WDR91: variants seen among roughly 807,000 people sequenced by gnomAD.
WDR91 encodes WD repeat-containing protein 91.
A neutral mutation model predicts 88.4 loss-of-function variants in WDR91; 52 were observed. The ratio of observed to expected loss-of-function variants is 0.59; its 90% CI spans 0.47 to 0.74. WDR91 has a LOEUF of 0.74. Among genes scored for constraint, WDR91 ranks in the 30% least tolerant of loss-of-function variants. The probability of loss-of-function intolerance (pLI) is 0.00; values close to 1 mark genes in which losing one functional copy is unlikely to be tolerated. For synonymous variants in WDR91, 362 were observed against 389.5 expected (o/e 0.93, Z 0.83); for missense variants, 824 against 954.5 (o/e 0.86, Z 1.80).
chr7:135,197,036 G>C (rs1260068849), intron 7 of WDR91: 1 of 152,300 alleles, frequency 6.6e-6, no homozygotes, highest in Non-Finnish European at 1.5e-5. Flanking sequence ...CTACCATCTG[G>C]TGCTCACCTA....
intron 6 of WDR91, among the ~76,000 whole-genome samples, chr7:135,202,758 A>G (rs1197017809): frequency 6.6e-6 from 1 of 152,236 alleles, no homozygotes; most frequent in Non-Finnish European, 1.5e-5. Flanking sequence ...TGAGAGATCC[A>G]GAAAGCAAGC....
At position 135,196,717 on chromosome 7, in the gene WDR91, TCAAA is replaced by T. The variant is rs1253582288; in HGVS notation, c.1051-384_1051-381del. On this transcript the variant is annotated intron_variant, in intron 7 of 14. Coordinates refer to ENST00000354475, the MANE Select transcript of WDR91 (RefSeq NM_014149.4). The surrounding 1 kb of genome is among the most constrained non-coding windows in gnomAD (Gnocchi z 4.2). ...ACAGATTTCTCTCATTTAGTCCTCC[TCAAA>T]CAATGAGATGCTATTATCTTCCCCA... Among the ~76,000 whole-genome samples, 1 of 152,192 alleles carries T rather than the reference TCAAA, an allele frequency of 6.6e-6. No individual in the cohort carries two copies. Among genetic ancestry groups the T allele is most frequent in the Admixed American group, 6.5e-5 (1 of 15,284 alleles).
intron 11 of WDR91, among the ~76,000 whole-genome samples, chr7:135,190,688 G>C (rs902459948): frequency 6.6e-6 from 1 of 152,026 alleles, no homozygotes; most frequent in African/African-American, 2.4e-5. Flanking sequence ...AAAAAATGAA[G>C]GTGAGCTTCT....
Position 135,208,882 on chromosome 7 carries a change from G to A in WDR91, c.420C>T (p.Asn140=), listed in dbSNP as rs1831907911. 2 of 1,614,208 alleles carry A rather than the reference G, an allele frequency of 1.2e-6. No homozygotes were observed. The highest frequency in any genetic ancestry group is 1.7e-6 in the Non-Finnish European group (2 of 1,180,034). Residue 140 remains asparagine (N), a synonymous_variant, in exon 3 of 15, where the codon AAC becomes AAT. Coordinates refer to ENST00000354475, the MANE Select transcript of WDR91 (RefSeq NM_014149.4). ...GAGAAAAGTAGGTAGCAAAGGTGGG[G>A]TTGGTGTCCGGGGATGGCAGGAAGG... ...VLPFLPSPDT[N]PTFATYFSRQ...
At chr7:135,203,896 G>A (rs149464651) in intron 6 of WDR91, among the ~76,000 whole-genome samples, 27 of 152,306 alleles carry the variant, frequency 1.8e-4, no homozygotes, top group African/African-American at 5.8e-4. Context: ...TGGGTGTGAG[G>A]TCTGGCACTG....
At chr7:135,210,575 G>A (rs565346416) in intron 1 of WDR91, among the ~76,000 whole-genome samples, 39 of 152,314 alleles carry the variant, frequency 2.6e-4, no homozygotes, top group South Asian at 8.3e-4. Context: ...CTTGTGAGGA[G>A]CAATTACAGC....
chr7:135,208,855 T>A lies in WDR91; in HGVS notation c.447A>T (p.Arg149=), dbSNP rs751063113. 1.9e-6 allele frequency: 3 copies of A among 1,614,126 alleles called. No homozygotes were observed. Among genetic ancestry groups the A allele is most frequent in the Non-Finnish European group, 2.5e-6 (3 of 1,179,986 alleles). The part of the protein sequence containing the change: ...TNPTFATYFS[R]QWADTFIVSL... ...ACACAATGAAGGTGTCAGCCCACTG[T>A]CGAGAAAAGTAGGTAGCAAAGGTGG... Residue 149 remains arginine, a synonymous_variant, in exon 3 of 15, where the codon CGA becomes CGT. Transcript: ENST00000354475.
chr7:135,201,890 T>A (rs1831583953), intron 6 of WDR91, among the ~76,000 whole-genome samples: 1 of 152,194 alleles, frequency 6.6e-6, no homozygotes, highest in African/African-American at 2.4e-5. Flanking sequence ...AATTTAGGTG[T>A]TAATTGTAAT....
chr7:135,195,238 A>G (rs957055412), intron 8 of WDR91, among the ~76,000 whole-genome samples, 154 bp from the exon 9 acceptor site: 5 of 152,266 alleles, frequency 3.3e-5, no homozygotes, highest in African/African-American at 1.2e-4. Context: ...GACTATTTCT[A>G]GAAATATTCA....
chr7:135,185,842 A>G lies in WDR91; in HGVS notation c.*309T>C. 3.1e-6 allele frequency: 1 copy of G among 326,622 alleles called. No individual in the cohort carries two copies. The highest frequency in any genetic ancestry group is 5.5e-5 in the East Asian group (1 of 18,046). 20.2% of individuals were successfully genotyped at this position (326,622 alleles called of 1,614,324 possible). A position where few individuals can be genotyped will look rare whatever the true frequency, so the allele number is the denominator to read the frequency against. ...GGGCACATATATACAAAATACTGTCAATTTCTACTGGGCCAACACAGTAGC... is the reference window on the plus strand; with the variant it reads ...GGGCACATATATACAAAATACTGTCGATTTCTACTGGGCCAACACAGTAGC... On this transcript the variant is annotated 3_prime_UTR_variant, in exon 15 of 15. Transcript: ENST00000354475.
chr7:135,195,032 T>C lies in WDR91; in HGVS notation c.1297A>G (p.Lys433Glu). The C allele has an allele frequency of 6.2e-7, 1 of 1,614,140 alleles. No homozygotes were observed. The highest frequency in any genetic ancestry group is 1.3e-5 in the African/African-American group (1 of 75,060). The change falls in exon 9 of 15, where the codon AAA becomes GAA. Residue 433 changes from lysine (K) to glutamate (E), a missense_variant. Lys to Glu is a moderately conservative substitution (Grantham distance 56, BLOSUM62 1). Transcript: ENST00000354475. ...VASLDVDGVI[K>E]VWSFNPIMQT... ...ATGATGGGGTTGAAGGACCACACTTTGATGACCCCATCTACGTCTAAGCTG... is the reference window on the plus strand; with the variant it reads ...ATGATGGGGTTGAAGGACCACACTTCGATGACCCCATCTACGTCTAAGCTG...
intron 6 of WDR91, chr7:135,198,901 CA>C (rs1562952440): frequency 6.6e-6 from 1 of 152,172 alleles, no homozygotes; most frequent in African/African-American, 2.4e-5. Context: ...AAGGAGCTGC[CA>C]CCCCCACATC....
Position 135,193,286 on chromosome 7 carries a change from A to G in WDR91, c.1604T>C (p.Met535Thr), listed in dbSNP as rs777731930. 3.7e-6 allele frequency: 6 copies of G among 1,614,078 alleles called. No individual in the cohort carries two copies. The highest frequency in any genetic ancestry group is 5.1e-6 in the Non-Finnish European group (6 of 1,180,044). ...CAGCAGCCTGCCAGGAACCTGGTTCATGCCCTTGCTGCCGATGTCTGGTGC... is the reference window on the plus strand; with the variant it reads ...CAGCAGCCTGCCAGGAACCTGGTTCGTGCCCTTGCTGCCGATGTCTGGTGC... The part of the protein sequence containing the change: ...FSAPDIGSKG[M>T]NQVPGRLLLW... Residue 535 changes from methionine (M) to threonine (T), a missense_variant, in exon 11 of 15, where the codon ATG becomes ACG. Transcript: ENST00000354475.
At position 135,198,095 on chromosome 7, in the gene WDR91, G is replaced by A. The variant is rs1417563608; in HGVS notation, c.948C>T (p.Ser316=). The A allele has an allele frequency of 8.1e-6, 13 of 1,613,786 alleles. No individual in the cohort carries two copies. Among genetic ancestry groups the A allele is most frequent in the African/African-American group, 2.7e-5 (2 of 74,934 alleles). ...SGAKDGKSLL[S]GLATGESGWS... ...AACCGGACTCCCCAGTGGCCAGCCC[G>A]CTGAGGAGGCTCTTCCCATCCTTGG... Residue 316 remains serine, a synonymous_variant, in exon 7 of 15, where the codon AGC becomes AGT. Transcript: ENST00000354475.
intron 4 of WDR91, among the ~76,000 whole-genome samples, chr7:135,206,286 T>A (rs1182990736): frequency 2.0e-5 from 3 of 152,236 alleles, no homozygotes; most frequent in Non-Finnish European, 4.4e-5. Flanking sequence ...AAACCCATTT[T>A]CTTTTTAATC....
intron 6 of WDR91, among the ~76,000 whole-genome samples, chr7:135,202,530 T>G (rs1831611100): frequency 6.6e-6 from 1 of 152,250 alleles, no homozygotes. Flanking sequence ...TCCCCATTGC[T>G]TAGCTGTAAA....
rs549917514 is a variant in WDR91, at chr7:135,195,048, G to A, written c.1281C>T (p.Asp427=). ...ACCACACTTTGATGACCCCATCTAC[G>A]TCTAAGCTGGCGACTCTCCTCCCAG... The part of the protein sequence containing the change: ...DCSGRRVASL[D]VDGVIKVWSF... The change falls in exon 9 of 15, where the codon GAC becomes GAT. Residue 427 remains aspartate (D), a synonymous_variant. Transcript: ENST00000354475. 6.2e-5 allele frequency: 100 copies of A among 1,613,954 alleles called. 1 individual carries two copies. The South Asian group carries it at 6.8e-4, about 11-fold the overall frequency.
chr7:135,189,375 T>C lies in WDR91; in HGVS notation c.1737A>G (p.Thr579=). ...GCCGGATGACGCCATCAGCTGCCCC[T>C]GTGACCAGCAGGTTCCCGTTGTGAT... ...AFNHNGNLLV[T]GAADGVIRLF... is the part of the protein sequence containing the mutation. Residue 579 remains threonine (T), a synonymous_variant, in exon 12 of 15, where the codon ACA becomes ACG. Coordinates refer to ENST00000354475, the MANE Select transcript of WDR91 (RefSeq NM_014149.4). 6.2e-7 allele frequency: 1 copy of C among 1,613,946 alleles called. No homozygotes were observed. Among genetic ancestry groups the C allele is most frequent in the Non-Finnish European group, 8.5e-7 (1 of 1,179,850 alleles).
At chr7:135,207,011 A>T in intron 4 of WDR91, 109 bp downstream of exon 4, 1 of 690,584 alleles carries the variant, frequency 1.4e-6, no homozygotes, top group South Asian at 1.7e-5. Flanking sequence ...CTGAGAAATT[A>T]GGTAGTGGCA....
Sources: gnomAD v4.1 joint callset for allele counts (sites outside exome capture counted in the v4.1 genomes callset) on GRCh38, gnomAD v4.1.1 for gene constraint, Gnocchi (gnomAD v3.1) non-coding constraint, MANE v1.5 for transcripts, NCBI Gene and HGNC (gene_info 2026-07-23, HGNC 2026-07-21) for gene names.